PDE7B: variants seen among roughly 807,000 people sequenced by gnomAD.
PDE7B encodes the protein phosphodiesterase 7B.
Under a neutral mutation model 56.2 loss-of-function variants are expected in PDE7B, and 29 were observed. The ratio of observed to expected loss-of-function variants is 0.52; its 90% CI spans 0.38 to 0.70. The LOEUF (loss-of-function observed/expected upper bound fraction) is 0.70, where lower values mean the gene tolerates loss of function less well. PDE7B is among the 30% of genes least tolerant of loss of function. PDE7B has a pLI of 0.00. For missense variants in PDE7B, 490 were observed against 565.0 expected (o/e 0.87, Z 1.35); for synonymous variants, 197 against 196.9 (o/e 1.00, Z 0.00).
intron 2 of PDE7B, among the ~76,000 whole-genome samples, chr6:135,994,141 TG>T (rs1400615225): frequency 6.6e-6 from 1 of 151,388 alleles, no homozygotes; most frequent in Admixed American, 6.6e-5. Flanking sequence ...TGTGTGTGTG[TG>T]TGTGTGTGTG....
chr6:136,191,320 G>A (rs1779221061), intron 12 of PDE7B, among the ~76,000 whole-genome samples: 1 of 152,118 alleles, frequency 6.6e-6, no homozygotes, highest in South Asian at 2.1e-4. Flanking sequence ...TTTTTATTAG[G>A]CTGAAAACAT....
At chr6:136,171,107 T>G (rs910419097) in intron 8 of PDE7B, among the ~76,000 whole-genome samples, 1 of 152,178 alleles carries the variant, frequency 6.6e-6, no homozygotes. Context: ...ACAGACATAA[T>G]GTTTCCTAAT....
At chr6:136,087,794 G>T (rs951491874) in intron 2 of PDE7B, among the ~76,000 whole-genome samples, 2 of 152,154 alleles carry the variant, frequency 1.3e-5, no homozygotes, top group African/African-American at 4.8e-5. Flanking sequence ...GGGCAGTGTT[G>T]TTCTCGCATT....
chr6:136,185,662 G>C (rs781765698), intron 11 of PDE7B, among the ~76,000 whole-genome samples: 24 of 152,092 alleles, frequency 1.6e-4, no homozygotes, highest in Non-Finnish European at 3.4e-4. Flanking sequence ...CTACTCAGGA[G>C]GCTGAAGCAG....
intron 1 of PDE7B, among the ~76,000 whole-genome samples, chr6:135,934,796 A>ATT: frequency 8.4e-6 from 1 of 119,650 alleles, no homozygotes; most frequent in East Asian, 2.2e-4. Context: ...ATATATTTTA[A>ATT]ATATATATAT....
At chr6:135,927,228 C>G (rs1416655564) in intron 1 of PDE7B, among the ~76,000 whole-genome samples, 1 of 152,122 alleles carries the variant, frequency 6.6e-6, no homozygotes. Flanking sequence ...GTTCTCTATT[C>G]TGTCCCATTG....
At chr6:136,008,861 G>A (rs1229804693) in intron 2 of PDE7B, among the ~76,000 whole-genome samples, 1 of 152,056 alleles carries the variant, frequency 6.6e-6, no homozygotes, top group Non-Finnish European at 1.5e-5. Context: ...TGTCAATTTT[G>A]GCTTTTGTTG....
intron 1 of PDE7B, among the ~76,000 whole-genome samples, chr6:135,874,162 G>A (rs1481946223): frequency 6.6e-6 from 1 of 152,090 alleles, no homozygotes; most frequent in Admixed American, 6.6e-5. Context: ...AGATACCTGG[G>A]GAAAGAATGT....
chr6:135,860,209 T>C (rs1230528576), intron 1 of PDE7B, among the ~76,000 whole-genome samples: 2 of 152,026 alleles, frequency 1.3e-5, no homozygotes, highest in Non-Finnish European at 2.9e-5. Context: ...AAATTGAGAC[T>C]CAGATAAATT....
At chr6:135,924,617 C>CTCTTT (rs757490280) in intron 1 of PDE7B, among the ~76,000 whole-genome samples, 27 of 49,580 alleles carry the variant, frequency 5.4e-4, no homozygotes, top group South Asian at 3.4e-3. Context: ...CTCTCTCTCT[C>CTCTTT]TTTTTTTTTT....
intron 1 of PDE7B, among the ~76,000 whole-genome samples, chr6:135,904,442 C>G (rs1392817218): frequency 6.6e-6 from 1 of 152,108 alleles, no homozygotes; most frequent in Non-Finnish European, 1.5e-5. Flanking sequence ...ATTCCATTAC[C>G]TTCCACGCCA....
chr6:136,106,391 G>T (rs1413867837), intron 2 of PDE7B, among the ~76,000 whole-genome samples: 2 of 152,062 alleles, frequency 1.3e-5, no homozygotes, highest in Non-Finnish European at 2.9e-5. Context: ...CACTCCCTAA[G>T]GTGTGTGTTT....
At chr6:136,151,015 C>A in intron 5 of PDE7B, 145 bp from the exon 6 acceptor site, 1 of 573,990 alleles carries the variant, frequency 1.7e-6, no homozygotes, top group Admixed American at 3.1e-5. Flanking sequence ...TAATAATATG[C>A]TCTATCCTTG....
At chr6:136,158,406 G>C (rs531028111) in intron 8 of PDE7B, among the ~76,000 whole-genome samples, 1 of 151,894 alleles carries the variant, frequency 6.6e-6, no homozygotes, top group Non-Finnish European at 1.5e-5. Flanking sequence ...TGGTCAACAA[G>C]AATACCGTAG....
intron 2 of PDE7B, chr6:136,072,799 C>A (rs1020216815): frequency 6.6e-6 from 1 of 152,138 alleles, no homozygotes; most frequent in Non-Finnish European, 1.5e-5. Context: ...GGTGGAGCTG[C>A]GGGACACATG....
At chr6:135,947,674 G>A in intron 2 of PDE7B, 150 bp downstream of exon 2, 1 of 618,178 alleles carries the variant, frequency 1.6e-6, no homozygotes, top group South Asian at 2.0e-5. Context: ...ACATTTATAT[G>A]TGTAACACTT....
intron 2 of PDE7B, among the ~76,000 whole-genome samples, chr6:135,990,226 G>A (rs947942379): frequency 6.6e-6 from 1 of 151,932 alleles, no homozygotes; most frequent in Non-Finnish European, 1.5e-5. Context: ...CTACCAAGTG[G>A]CTGGGATTAC....
chr6:135,940,695 G>C (rs1361348809), intron 1 of PDE7B, among the ~76,000 whole-genome samples: 2 of 152,166 alleles, frequency 1.3e-5, no homozygotes, highest in Non-Finnish European at 2.9e-5. Context: ...CCAGATGTTT[G>C]GAAATGTCAT....
intron 2 of PDE7B, among the ~76,000 whole-genome samples, chr6:136,002,583 A>G (rs183378418): frequency 2.9e-4 from 44 of 152,334 alleles, no homozygotes; most frequent in Non-Finnish European, 2.1e-4. Flanking sequence ...TGAAACCAAC[A>G]AAGATCAAAA....
Sources: allele counts gnomAD v4.1 joint callset (sites outside exome capture counted in the v4.1 genomes callset), GRCh38; gene constraint gnomAD v4.1.1; transcripts MANE v1.5; gene names NCBI Gene and HGNC (gene_info 2026-07-23, HGNC 2026-07-21).